The following ATP10A variants were observed in gnomAD, a reference collection of about 807,000 sequenced individuals.
ATP10A encodes phospholipid-transporting ATPase VA.
Under a neutral mutation model 147.8 loss-of-function variants are expected in ATP10A, and 111 were observed. The observed-to-expected ratio is 0.75, with a 90% confidence interval of 0.64 to 0.88. ATP10A has a LOEUF of 0.88. ATP10A is among the 40% of genes least tolerant of loss of function. The pLI, the probability that ATP10A is intolerant of heterozygous loss-of-function variation, is 0.00. For synonymous variants in ATP10A, 875 were observed against 841.6 expected, an observed-to-expected ratio of 1.04 and a Z score of -0.69; for missense variants, 1,927 against 1,959.0, an observed-to-expected ratio of 0.98 and a Z score of 0.31.
intron 1 of ATP10A, among the ~76,000 whole-genome samples, chr15:25,841,285 T>A (rs946320301): frequency 2.0e-5 from 3 of 151,920 alleles, no homozygotes; most frequent in Non-Finnish European, 4.4e-5. Flanking sequence ...TAGGGTTTTT[T>A]TTTTTTTCTA....
intron 1 of ATP10A, among the ~76,000 whole-genome samples, chr15:25,837,524 G>A (rs1401142947): frequency 1.3e-5 from 2 of 152,172 alleles, no homozygotes; most frequent in Non-Finnish European, 2.9e-5. Context: ...GGTAGTCACA[G>A]GGCAGGAAGT....
At chr15:25,689,096 C>A (rs572687631) in intron 15 of ATP10A, among the ~76,000 whole-genome samples, 1 of 152,330 alleles carries the variant, frequency 6.6e-6, no homozygotes. Context: ...AAGAAGAAAC[C>A]CCCGCCCTTG....
chr15:25,794,504 C>A (rs563919595), intron 1 of ATP10A, among the ~76,000 whole-genome samples: 1 of 152,162 alleles, frequency 6.6e-6, no homozygotes, highest in Non-Finnish European at 1.5e-5. Flanking sequence ...AACACTGCCC[C>A]GTCTTGGAAG....
At position 25,679,393 on chromosome 15, in the gene ATP10A, T is replaced by C. The variant is rs751202180; in HGVS notation, c.4448A>G (p.Gln1483Arg). The C allele has an allele frequency of 6.2e-7, 1 of 1,609,800 alleles. No individual in the cohort carries two copies. Among genetic ancestry groups the C allele is most frequent in the South Asian group, 1.1e-5 (1 of 90,988 alleles). ...TATAAGTAGTCTGTGGTCTGGCCCTTGAAGTCCTGATCGGCCTGAGTGGGG... is the reference window on the plus strand; with the variant it reads ...TATAAGTAGTCTGTGGTCTGGCCCTCGAAGTCCTGATCGGCCTGAGTGGGG... Reference protein sequence around the residue: ...VQPHSGRSGLQGPDHRLLIGA... With the variant: ...VQPHSGRSGLRGPDHRLLIGA... The change falls in exon 21 of 21, where the codon CAA becomes CGA. Residue 1483 changes from glutamine to arginine, a missense_variant. Gln to Arg is a conservative substitution (Grantham distance 43, BLOSUM62 1). Coordinates refer to ENST00000555815, the MANE Select transcript of ATP10A (RefSeq NM_024490.4).
At chr15:25,788,783 G>A (rs1890283777) in intron 1 of ATP10A, among the ~76,000 whole-genome samples, 2 of 152,140 alleles carry the variant, frequency 1.3e-5, no homozygotes, top group South Asian at 2.1e-4. Flanking sequence ...CTTGAGGTGC[G>A]GTGGTATATA....
chr15:25,779,453 T>A lies in ATP10A; in HGVS notation c.654+1566A>T, dbSNP rs180833231. Among the ~76,000 whole-genome samples the A allele has an allele frequency of 2.7e-3, 414 of 152,214 alleles. 2 individuals are homozygous for A. The highest frequency in any genetic ancestry group is 3.6e-3 in the Non-Finnish European group (248 of 68,012). On this transcript the variant is annotated intron_variant, in intron 2 of 20. Coordinates refer to ENST00000555815, the MANE Select transcript of ATP10A (RefSeq NM_024490.4). Reference sequence around the variant, plus strand: ...CCCCGGGAACTGAGAGGGGATGCTGTCCCTGGCTGATGTCAGTGTTAGTTC... The same window carrying A: ...CCCCGGGAACTGAGAGGGGATGCTGACCCTGGCTGATGTCAGTGTTAGTTC...
chr15:25,769,557 GCAGC>G (rs1889228883), intron 2 of ATP10A, among the ~76,000 whole-genome samples: 3 of 149,374 alleles, frequency 2.0e-5, no homozygotes, highest in African/African-American at 7.4e-5. Flanking sequence ...CTAGAACACT[GCAGC>G]CAGCCGGGGA....
chr15:25,688,054 T>C (rs952806129), intron 15 of ATP10A: 7 of 572,244 alleles, frequency 1.2e-5, no homozygotes, highest in African/African-American at 9.3e-5. Context: ...TGTCACCTTA[T>C]AAGATTCATT....
chr15:25,859,183 C>A (rs1893646904), intron 1 of ATP10A, among the ~76,000 whole-genome samples: 1 of 152,216 alleles, frequency 6.6e-6, no homozygotes, highest in Non-Finnish European at 1.5e-5. Flanking sequence ...CTCTTCCCCT[C>A]TCCTCCTCCA....
chr15:25,714,343 G>T lies in ATP10A; in HGVS notation c.1777-102C>A, dbSNP rs1901644999. On this transcript the variant is annotated intron_variant, in intron 9 of 20. Transcript: ENST00000555815. ...TGCTCCAGGCACTTGGAGGAACAAT[G>T]ACCTCGCTTCCCCACTGGGGTCTCA... The T allele has an allele frequency of 1.0e-5, 11 of 1,075,070 alleles. No individual in the cohort carries two copies. In the South Asian group the frequency reaches 1.6e-4, roughly 15 times the overall value. 66.6% of individuals were successfully genotyped at this position (1,075,070 alleles called of 1,614,324 possible). A position where few individuals can be genotyped will look rare whatever the true frequency, so the allele number is the denominator to read the frequency against.
chr15:25,675,941 G>A (rs549314445), downstream of ATP10A, among the ~76,000 whole-genome samples: 330 of 151,872 alleles, frequency 2.2e-3, 2 homozygotes, highest in African/African-American at 7.4e-3. Flanking sequence ...ATGAGACCCC[G>A]TTGGAAAGGA....
intron 1 of ATP10A, among the ~76,000 whole-genome samples, chr15:25,784,920 T>TC (rs1178995917): frequency 7.4e-6 from 1 of 136,006 alleles, no homozygotes; most frequent in Non-Finnish European, 1.5e-5. Flanking sequence ...AGACCCCGTG[T>TC]CAAAAAAAAA....
intron 1 of ATP10A, among the ~76,000 whole-genome samples, chr15:25,829,403 T>C (rs1313852676): frequency 2.0e-5 from 3 of 152,102 alleles, no homozygotes; most frequent in Non-Finnish European, 4.4e-5. Context: ...CCAGGAAAAA[T>C]GTCTTAAATA....
intron 1 of ATP10A, among the ~76,000 whole-genome samples, chr15:25,849,454 T>C (rs1020498403): frequency 6.6e-6 from 1 of 152,170 alleles, no homozygotes. Context: ...ATGCAGTAGT[T>C]GGGAACAGAG....
chr15:25,831,400 A>G (rs1362263022), intron 1 of ATP10A, among the ~76,000 whole-genome samples: 1 of 152,246 alleles, frequency 6.6e-6, no homozygotes, highest in East Asian at 1.9e-4. Flanking sequence ...TGCTGCGAGC[A>G]GGGAATTCCT....
At chr15:25,847,609 CTTTTTTTTTTTTTTTTTTTTTTTT>C (rs34212354) in intron 1 of ATP10A, among the ~76,000 whole-genome samples, 20 of 40,742 alleles carry the variant, frequency 4.9e-4, no homozygotes, top group Middle Eastern at 0.036. Flanking sequence ...CAGCTACAGC[CTTTTTTTTTTTTTTTTTTTTTTTT>C]TTTTTTTTTT....
intron 7 of ATP10A, among the ~76,000 whole-genome samples, chr15:25,719,954 C>T (rs1325011074): frequency 6.6e-6 from 1 of 152,152 alleles, no homozygotes; most frequent in South Asian, 2.1e-4. Context: ...GCCTGGGTGC[C>T]TGTCAATAGC....
chr15:25,737,708 C>T (rs1057170204), intron 2 of ATP10A, among the ~76,000 whole-genome samples: 2 of 152,112 alleles, frequency 1.3e-5, no homozygotes, highest in African/African-American at 4.8e-5. Flanking sequence ...TATTGAAGTC[C>T]TAACCCCACG....
In ATP10A at chr15:25,859,326, A is replaced by G. The variant is rs371331728; in HGVS notation, c.449+3322T>C. Among the ~76,000 whole-genome samples the G allele has an allele frequency of 1.2e-4, 18 of 152,294 alleles. 1 individual carries two copies. In the East Asian group the frequency reaches 3.1e-3, roughly 26 times the overall value. On this transcript the variant is annotated intron_variant, in intron 1 of 20. Coordinates refer to ENST00000555815, the MANE Select transcript of ATP10A (RefSeq NM_024490.4). ...CAGCTAAAGGGAAGTCCAAGCCTCA[A>G]ATGAAAGCCGGAGGCCACATCCCCC... is the stretch of plus-strand genomic sequence containing the variant.
Sources: allele counts gnomAD v4.1 joint callset (sites outside exome capture counted in the v4.1 genomes callset), GRCh38; gene constraint gnomAD v4.1.1; transcripts MANE v1.5; gene names NCBI Gene and HGNC (gene_info 2026-07-23, HGNC 2026-07-21).